The following UGCG variants were observed in gnomAD, a reference collection of about 807,000 sequenced individuals.
UGCG encodes UDP-glucose ceramide glucosyltransferase.
A neutral mutation model predicts 49.5 loss-of-function variants in UGCG; 10 were observed. The ratio of observed to expected loss-of-function variants is 0.20; its 90% CI spans 0.12 to 0.34. The LOEUF is 0.34. UGCG is among the 10% of genes least tolerant of loss of function. The pLI is 1.00. For missense variants in UGCG, 312 were observed against 483.7 expected, an observed-to-expected ratio of 0.65 and a Z score of 3.33; for synonymous variants, 182 against 158.2, an observed-to-expected ratio of 1.15 and a Z score of -1.13.
rs1191511037 is a variant in UGCG, at chr9:111,897,107, C to T, written c.-109C>T. Reference sequence around the variant, plus strand: ...TCCGCCCTTTCCTCTCCCCACCTTCCTCTCGCCTCCCGCGCCCCCGCACCG... The same window carrying T: ...TCCGCCCTTTCCTCTCCCCACCTTCTTCTCGCCTCCCGCGCCCCCGCACCG... On this transcript the variant is annotated 5_prime_UTR_variant, in exon 1 of 9. Transcript: ENST00000374279. The T allele has an allele frequency of 2.5e-6, 2 of 787,036 alleles. No individual in the cohort carries two copies. The highest frequency in any genetic ancestry group is 3.2e-5 in the East Asian group (1 of 31,318). 48.8% of individuals were successfully genotyped at this position (787,036 alleles called of 1,614,324 possible).
In UGCG at chr9:111,933,030, A is replaced by G; in HGVS notation, c.*33A>G. ...TTTGTGACTGTATATAAAGGAAAAA[A>G]GAGAAGTATTATAAATTATGTTTAT... On this transcript the variant is annotated 3_prime_UTR_variant, in exon 9 of 9. Coordinates refer to ENST00000374279, the MANE Select transcript of UGCG (RefSeq NM_003358.3). The G allele has an allele frequency of 1.4e-6, 2 of 1,432,760 alleles. No individual in the cohort carries two copies. Among genetic ancestry groups the G allele is most frequent in the Non-Finnish European group, 1.8e-6 (2 of 1,085,656 alleles). The allele number at this position is 1,432,760 out of a possible 1,614,324, so 88.8% of individuals were successfully genotyped here.
intron 7 of UGCG, 59 bp downstream of exon 7, chr9:111,931,416 A>G: frequency 1.3e-6 from 2 of 1,526,098 alleles, no homozygotes; most frequent in East Asian, 2.3e-5. Flanking sequence ...GGGGGGTGGT[A>G]ATTTTTACAG....
chr9:111,928,489 A>G (rs1045536894), intron 5 of UGCG, among the ~76,000 whole-genome samples: 1 of 152,222 alleles, frequency 6.6e-6, no homozygotes, highest in African/African-American at 2.4e-5. Flanking sequence ...CTTAGAATTA[A>G]TCATTCTCAA....
intron 1 of UGCG, among the ~76,000 whole-genome samples, chr9:111,912,034 ATATAT>A (rs1375853694): frequency 1.4e-5 from 2 of 138,916 alleles, no homozygotes; most frequent in East Asian, 2.1e-4. Context: ...AACAGGATAT[ATATAT>A]ATATATATAT....
chr9:111,911,591 C>T (rs1837995647), intron 1 of UGCG, among the ~76,000 whole-genome samples: 1 of 151,820 alleles, frequency 6.6e-6, no homozygotes. Context: ...TGATTTGAAC[C>T]ATATCAGTAT....
intron 1 of UGCG, among the ~76,000 whole-genome samples, chr9:111,898,687 C>T (rs922415756): frequency 3.2e-4 from 49 of 151,978 alleles, no homozygotes; most frequent in African/African-American, 1.1e-3. Flanking sequence ...AAAATGCTTA[C>T]TGTGTAAGGA....
At chr9:111,902,725 A>G (rs1564197052) in intron 1 of UGCG, among the ~76,000 whole-genome samples, 1 of 152,168 alleles carries the variant, frequency 6.6e-6, no homozygotes, top group Non-Finnish European at 1.5e-5. Context: ...AAGCAAGGTG[A>G]ACTTTTGCCC....
chr9:111,923,095 G>GAA (rs1838255695), intron 3 of UGCG, 144 bp downstream of exon 3: 2 of 439,964 alleles, frequency 4.5e-6, no homozygotes, highest in Non-Finnish European at 7.7e-6. Context: ...ACGTCCTTTT[G>GAA]AGAAAAGTTA....
intron 4 of UGCG, 96 bp downstream of exon 4, chr9:111,924,974 C>A: frequency 3.5e-6 from 2 of 572,252 alleles, no homozygotes; most frequent in Non-Finnish European, 2.6e-6. Context: ...TTTTTATTTG[C>A]CTAAAAGAGT....
At chr9:111,923,194 T>G (rs1838257835) in intron 3 of UGCG, among the ~76,000 whole-genome samples, 1 of 152,132 alleles carries the variant, frequency 6.6e-6, no homozygotes, top group Non-Finnish European at 1.5e-5. Context: ...CATGAGGGTC[T>G]GTTATTTTTT....
At position 111,929,494 on chromosome 9, in the gene UGCG, G is replaced by C; in HGVS notation, c.559-6G>C. 1.2e-6 allele frequency: 2 copies of C among 1,601,856 alleles called. No homozygotes were observed. Among genetic ancestry groups the C allele is most frequent in the Non-Finnish European group, 1.7e-6 (2 of 1,174,212 alleles). On this transcript the variant is annotated splice_region_variant and splice_polypyrimidine_tract_variant and intron_variant, in intron 5 of 8. Transcript: ENST00000374279. Reference sequence around the variant, plus strand: ...TAATCATACACGTTTGTGGTTTTTTGGGCAGGTATATTTTGGAACTTCACA... The same window carrying C: ...TAATCATACACGTTTGTGGTTTTTTCGGCAGGTATATTTTGGAACTTCACA...
chr9:111,913,450 T>C (rs948328786), intron 1 of UGCG, among the ~76,000 whole-genome samples: 1 of 152,154 alleles, frequency 6.6e-6, no homozygotes, highest in African/African-American at 2.4e-5. Context: ...TTTCTTTTTT[T>C]TGAGACGGAG....
At chr9:111,900,333 A>T (rs1837743606) in intron 1 of UGCG, among the ~76,000 whole-genome samples, 1 of 152,130 alleles carries the variant, frequency 6.6e-6, no homozygotes, top group South Asian at 2.1e-4. Flanking sequence ...TTCCCTGTGT[A>T]CATAAGGTCC....
Position 111,897,234 on chromosome 9 carries a change from G to T in UGCG, c.19G>T (p.Ala7Ser), listed in dbSNP as rs1173167947. Residue 7 changes from alanine (A) to serine (S), a missense_variant, in exon 1 of 9, where the codon GCC becomes TCC. Transcript: ENST00000374279. ...CCGGGGGATGGCGCTGCTGGACCTG[G>T]CCTTGGAGGGAATGGCCGTCTTCGG... The part of the protein sequence containing the change: MALLDL[A>S]LEGMAVFGFV... The T allele has an allele frequency of 6.4e-7, 1 of 1,551,388 alleles. No homozygotes were observed. The highest frequency in any genetic ancestry group is 1.9e-5 in the Admixed American group (1 of 51,292).
At chr9:111,915,425 G>A (rs1838093633) in intron 2 of UGCG, among the ~76,000 whole-genome samples, 1 of 152,070 alleles carries the variant, frequency 6.6e-6, no homozygotes, top group Non-Finnish European at 1.5e-5. Context: ...TTTGATTTTT[G>A]TACTTAGCTT....
Position 111,896,882 on chromosome 9 carries a change from GGTGCCC to G in UGCG, c.-332_-327del, listed in dbSNP as rs1289139765. 1.3e-5 allele frequency: 2 copies of G among 157,078 alleles called. No individual in the cohort carries two copies. Among genetic ancestry groups the G allele is most frequent in the Non-Finnish European group, 2.8e-5 (2 of 71,794 alleles). The allele number at this position is 157,078 out of a possible 1,614,324, so 9.7% of individuals were successfully genotyped here. A position where few individuals can be genotyped will look rare whatever the true frequency, so the allele number is the denominator to read the frequency against. On this transcript the variant is annotated 5_prime_UTR_variant, in exon 1 of 9. Transcript: ENST00000374279. ...GGCGGCGAGACGGAGAGGCGGCGGA[GGTGCCC>G]GCGCGCAGGGTCTGGTGGGCGGCCG...
intron 1 of UGCG, among the ~76,000 whole-genome samples, chr9:111,910,288 G>C (rs767357723): frequency 3.5e-4 from 53 of 152,334 alleles, no homozygotes; most frequent in Non-Finnish European, 3.4e-4. Context: ...TAGTGGGCCA[G>C]TTCTCTCTGC....
chr9:111,906,932 G>C (rs1018863742), intron 1 of UGCG, among the ~76,000 whole-genome samples: 1 of 152,124 alleles, frequency 6.6e-6, no homozygotes, highest in African/African-American at 2.4e-5. Flanking sequence ...GGCCTTTTCA[G>C]CCTTGTCTGT....
chr9:111,926,170 G>A (rs1368653826), intron 4 of UGCG, among the ~76,000 whole-genome samples: 1 of 152,172 alleles, frequency 6.6e-6, no homozygotes, highest in African/African-American at 2.4e-5. Flanking sequence ...GCTAAAAAAT[G>A]TATAAATTAG....
Sources: allele counts gnomAD v4.1 joint callset (sites outside exome capture counted in the v4.1 genomes callset), GRCh38; gene constraint gnomAD v4.1.1; transcripts MANE v1.5; gene names NCBI Gene and HGNC (gene_info 2026-07-23, HGNC 2026-07-21).